Variants in CDH23 observed in about 807,000 individuals in gnomAD.
The protein encoded by CDH23 is cadherin related 23.
A neutral mutation model predicts 317.1 loss-of-function variants in CDH23; 189 were observed. That is an observed-to-expected ratio of 0.60 (90% confidence interval 0.53 to 0.67). CDH23 has a LOEUF of 0.67. CDH23 is among the 30% of genes least tolerant of loss of function. CDH23 has a pLI of 0.00. For synonymous variants in CDH23, 1,839 were observed against 1,876.8 expected, an observed-to-expected ratio of 0.98 and a Z score of 0.52; for missense variants, 4,401 against 4,592.4, an observed-to-expected ratio of 0.96 and a Z score of 1.20.
chr10:71,444,793 C>T (rs889375694), intron 2 of CDH23, among the ~76,000 whole-genome samples: 5 of 152,160 alleles, frequency 3.3e-5, no homozygotes, highest in Admixed American at 6.5e-5. Flanking sequence ...CCCGGGTCAG[C>T]AGAAAGGAAG....
intron 6 of CDH23, among the ~76,000 whole-genome samples, chr10:71,559,068 A>G (rs182920082): frequency 8.0e-4 from 121 of 152,126 alleles, no homozygotes; most frequent in African/African-American, 2.6e-3. Flanking sequence ...GCCCCACCCC[A>G]TTCCCTCCCA....
chr10:71,804,510 A>G (rs927814257), intron 55 of CDH23, among the ~76,000 whole-genome samples: 3 of 152,192 alleles, frequency 2.0e-5, no homozygotes, highest in Admixed American at 6.5e-5. Flanking sequence ...CAGAATGTCC[A>G]TGCTAAGTCC....
chr10:71,720,023 G>A (rs1198696651), intron 28 of CDH23, among the ~76,000 whole-genome samples: 1 of 152,240 alleles, frequency 6.6e-6, no homozygotes, highest in African/African-American at 2.4e-5. Context: ...TACTGCCTCT[G>A]CGGCCCCATG....
intron 3 of CDH23, among the ~76,000 whole-genome samples, chr10:71,494,564 T>C (rs989444001): frequency 4.6e-5 from 7 of 152,164 alleles, no homozygotes; most frequent in Admixed American, 4.6e-4. Context: ...GTGGTAAATA[T>C]TGAATGAGGT....
At chr10:71,477,494 A>G (rs2132106036) in intron 3 of CDH23, among the ~76,000 whole-genome samples, 1 of 152,194 alleles carries the variant, frequency 6.6e-6, no homozygotes, top group East Asian at 1.9e-4. Context: ...AATCTTCCTC[A>G]GGCCTCTGTC....
In CDH23 at chr10:71,812,027, A is replaced by G. The variant is rs751211102; in HGVS notation, c.9380+12A>G. On this transcript the variant is annotated intron_variant, in intron 66 of 69. Transcript: ENST00000224721. ...TACTCCTTTGATGGGTGAGTGGGGTACTGGCCCTGCCCGGTCCCCTGCGGG... is the reference window on the plus strand; with the variant it reads ...TACTCCTTTGATGGGTGAGTGGGGTGCTGGCCCTGCCCGGTCCCCTGCGGG... 8.1e-6 allele frequency: 13 copies of G among 1,613,968 alleles called. No homozygotes were observed. The highest frequency in any genetic ancestry group is 1.7e-5 in the Admixed American group (1 of 60,020).
intron 38 of CDH23, chr10:71,749,537 C>G (rs143089953): frequency 2.0e-5 from 3 of 152,212 alleles, no homozygotes; most frequent in African/African-American, 4.8e-5. Flanking sequence ...AAAGAAGGGA[C>G]CCCCCTCTGC....
intron 9 of CDH23, among the ~76,000 whole-genome samples, chr10:71,583,054 A>G (rs79470957): frequency 0.054 from 8,253 of 152,228 alleles, 747 homozygotes; most frequent in African/African-American, 0.19. Flanking sequence ...TCATCCACTC[A>G]ACGCAGGGTG....
At chr10:71,662,388 T>C (rs192985104) in intron 14 of CDH23, among the ~76,000 whole-genome samples, 18 of 152,250 alleles carry the variant, frequency 1.2e-4, no homozygotes, top group Admixed American at 1.0e-3. Flanking sequence ...TCCACCCAGG[T>C]ACCTCTCTCC....
intron 40 of CDH23, 115 bp from the exon 41 acceptor site, chr10:71,779,152 C>T (rs1763565823): frequency 4.2e-6 from 4 of 947,698 alleles, no homozygotes; most frequent in Admixed American, 2.0e-5. Context: ...CCATATGATT[C>T]CTGCATGGGC....
intron 7 of CDH23, among the ~76,000 whole-genome samples, chr10:71,568,320 A>G (rs549280064): frequency 1.0e-3 from 152 of 152,292 alleles, no homozygotes; most frequent in African/African-American, 3.5e-3. Flanking sequence ...GCAGCCTGGC[A>G]CCCACACATG....
At chr10:71,481,216 C>T (rs1852047258) in intron 3 of CDH23, among the ~76,000 whole-genome samples, 1 of 152,054 alleles carries the variant, frequency 6.6e-6, no homozygotes, top group Non-Finnish European at 1.5e-5. Flanking sequence ...GTCTGCAGGG[C>T]CCCAGCACAG....
chr10:71,647,173 T>A, intron 14 of CDH23: 1 of 854,454 alleles, frequency 1.2e-6, no homozygotes, highest in Non-Finnish European at 1.4e-6. Context: ...AAAGTATAAG[T>A]GATTTCAGGC....
At chr10:71,528,076 G>A (rs951522992) in intron 6 of CDH23, among the ~76,000 whole-genome samples, 27 of 152,294 alleles carry the variant, frequency 1.8e-4, no homozygotes, top group Admixed American at 5.2e-4. Flanking sequence ...AAACACATGA[G>A]CCAAAGGGTG....
At chr10:71,703,268 C>T (rs550618759) in intron 24 of CDH23, among the ~76,000 whole-genome samples, 10 of 152,186 alleles carry the variant, frequency 6.6e-5, no homozygotes, top group Non-Finnish European at 1.3e-4. Flanking sequence ...GGTTTCAAGT[C>T]CTTTCAACAC....
At chr10:71,745,330 G>A (rs10999981) in intron 38 of CDH23, among the ~76,000 whole-genome samples, 3,051 of 152,324 alleles carry the variant, frequency 0.02, 204 homozygotes, top group East Asian at 0.19. Flanking sequence ...ATATTCTGGG[G>A]TTCAGCCTGC....
At chr10:71,771,438 A>G (rs1250787393) in intron 38 of CDH23, among the ~76,000 whole-genome samples, 6 of 152,154 alleles carry the variant, frequency 3.9e-5, no homozygotes, top group Admixed American at 3.9e-4. Flanking sequence ...ACCCAGGGCA[A>G]CCCAGCACCT....
chr10:71,640,616 C>T (rs745890390), intron 11 of CDH23, among the ~76,000 whole-genome samples: 10 of 152,140 alleles, frequency 6.6e-5, no homozygotes, highest in Admixed American at 6.5e-5. Context: ...GGCGTGGTGG[C>T]GCATGCCTGT....
At chr10:71,706,420 G>A (rs531586936) in intron 25 of CDH23, among the ~76,000 whole-genome samples, 97 of 152,244 alleles carry the variant, frequency 6.4e-4, no homozygotes, top group African/African-American at 2.0e-3. Context: ...CTGAGCTCCC[G>A]CTTCCTCAGC....
Sources: gnomAD v4.1 joint callset for allele counts (sites outside exome capture counted in the v4.1 genomes callset) on GRCh38, gnomAD v4.1.1 for gene constraint, MANE v1.5 for transcripts, NCBI Gene and HGNC (gene_info 2026-07-23, HGNC 2026-07-21) for gene names.